The following ARL5A variants were observed in gnomAD, a reference collection of about 807,000 sequenced individuals.
The protein encoded by ARL5A is ADP-ribosylation factor-like protein 5A.
Under a neutral mutation model 25.9 loss-of-function variants are expected in ARL5A, and 18 were observed. That is an observed-to-expected ratio of 0.69 (90% CI 0.48 to 1.03). The LOEUF (loss-of-function observed/expected upper bound fraction) is 1.03. Ranked by LOEUF, ARL5A falls within the 50% of genes least tolerant of loss-of-function variation. The pLI is 0.00. For missense variants in ARL5A, 170 were observed against 211.9 expected, an observed-to-expected ratio of 0.80 and a Z score of 1.23; for synonymous variants, 61 against 67.5, an observed-to-expected ratio of 0.90 and a Z score of 0.47.
At chr2:151,819,221 G>A (rs754090894) in intron 1 of ARL5A, among the ~76,000 whole-genome samples, 1 of 152,110 alleles carries the variant, frequency 6.6e-6, no homozygotes, top group Non-Finnish European at 1.5e-5. Flanking sequence ...TTTCTTACAA[G>A]GGCCGTAATC....
chr2:151,824,824 A>G (rs918928675), intron 1 of ARL5A, among the ~76,000 whole-genome samples: 5 of 152,224 alleles, frequency 3.3e-5, no homozygotes, highest in African/African-American at 1.2e-4. Flanking sequence ...CGTAGGAGAA[A>G]TAACTCCGGC....
rs545707805 is a variant in ARL5A, at chr2:151,825,330, C to CT, written c.46+2800dup. Among the ~76,000 whole-genome samples the CT allele has an allele frequency of 2.0e-3, 309 of 152,252 alleles. 4 individuals are homozygous for CT. Among genetic ancestry groups the CT allele is most frequent in the Non-Finnish European group, 5.4e-4 (37 of 68,024 alleles). On this transcript the variant is annotated intron_variant, in intron 1 of 5. Coordinates refer to ENST00000295087, the MANE Select transcript of ARL5A (RefSeq NM_012097.4). ...GAGGGAAAAATGATGTCAATCTCTT[C>CT]TTTAAGAGATTCCTTCAGGGTTTTA...
rs2099830179 is a variant in ARL5A, at chr2:151,806,970, G to A, written c.342C>T (p.Asp114=). The A allele has an allele frequency of 1.2e-6, 2 of 1,607,292 alleles. No homozygotes were observed. Among genetic ancestry groups the A allele is most frequent in the South Asian group, 2.2e-5 (2 of 89,578 alleles). ...EELYKMLAHE[D]LRKAGLLIFA... ...AAATCAGCAATCCAGCTTTTCTTAG[G>A]TCCTATTAAAGCAAATAAAACTGTA... The change falls in exon 5 of 6, where the codon GAC becomes GAT. Residue 114 remains aspartate (D), a splice_region_variant and synonymous_variant. Transcript: ENST00000295087.
chr2:151,828,140 T>C lies in ARL5A; in HGVS notation c.37A>G (p.Asn13Asp), dbSNP rs1458042804. 1.2e-6 allele frequency: 2 copies of C among 1,610,164 alleles called. No individual in the cohort carries two copies. The highest frequency in any genetic ancestry group is 1.7e-6 in the Non-Finnish European group (2 of 1,178,260). The change falls in exon 1 of 6, where the codon AAT (asparagine) becomes GAT (aspartate). Residue 13 changes from asparagine (N) to aspartate (D), a missense_variant. Asn to Asp is a conservative substitution (Grantham distance 23). Transcript: ENST00000295087. ...ILFTRIWRLF[N>D]HQEHKVIIVG... ...GGACCGAGCTCCTCACCCTGGTGAT[T>C]GAACAGTCTCCATATTCTAGTGAAG... is the stretch of plus-strand genomic sequence containing the variant.
At chr2:151,822,755 C>T (rs905605512) in intron 1 of ARL5A, among the ~76,000 whole-genome samples, 6 of 152,178 alleles carry the variant, frequency 3.9e-5, no homozygotes, top group African/African-American at 1.2e-4. Context: ...CCTGTATTTA[C>T]TCAAATAAGC....
At chr2:151,819,297 C>T (rs966367997) in intron 1 of ARL5A, among the ~76,000 whole-genome samples, 1 of 152,148 alleles carries the variant, frequency 6.6e-6, no homozygotes, top group African/African-American at 2.4e-5. Context: ...TGCTACGGTT[C>T]TTTTATAATT....
chr2:151,821,779 TTTTTTTTTTC>T (rs1372368659), intron 1 of ARL5A, among the ~76,000 whole-genome samples: 2 of 119,592 alleles, frequency 1.7e-5, no homozygotes, highest in African/African-American at 6.7e-5. Flanking sequence ...GGCTTTCTTT[TTTTTTTTTTC>T]TTTTTTTTTT....
At chr2:151,814,002 A>T (rs918867160) in intron 3 of ARL5A, among the ~76,000 whole-genome samples, 167 bp downstream of exon 3, 3 of 152,206 alleles carry the variant, frequency 2.0e-5, no homozygotes, top group Non-Finnish European at 2.9e-5. Flanking sequence ...ATGATAGTGG[A>T]CATATTGAAC....
intron 2 of ARL5A, 61 bp downstream of exon 2, chr2:151,815,077 CT>C: frequency 7.8e-7 from 1 of 1,280,792 alleles, no homozygotes; most frequent in Admixed American, 2.0e-5. Flanking sequence ...CATTGATCGA[CT>C]ATCACCCAGG....
At chr2:151,815,817 TC>T (rs2099831435) in intron 1 of ARL5A, among the ~76,000 whole-genome samples, 1 of 152,208 alleles carries the variant, frequency 6.6e-6, no homozygotes, top group African/African-American at 2.4e-5. Context: ...TTATTTTTTT[TC>T]AATGACTCCT....
chr2:151,812,311 T>A, intron 4 of ARL5A, 46 bp downstream of exon 4: 1 of 1,329,918 alleles, frequency 7.5e-7, no homozygotes, highest in Non-Finnish European at 1.0e-6. Context: ...AAGTATCGAT[T>A]CCCATACCCT....
chr2:151,819,684 G>C (rs918702232), intron 1 of ARL5A, among the ~76,000 whole-genome samples: 1 of 151,392 alleles, frequency 6.6e-6, no homozygotes, highest in South Asian at 2.1e-4. Context: ...TGGTTACTAT[G>C]TCCTAATTCC....
chr2:151,815,102 T>C (rs1372173269), intron 2 of ARL5A, 37 bp downstream of exon 2: 2 of 1,494,824 alleles, frequency 1.3e-6, no homozygotes, highest in South Asian at 1.2e-5. Context: ...AAAAAGTAAC[T>C]AGAAATAAAA....
intron 1 of ARL5A, among the ~76,000 whole-genome samples, chr2:151,826,729 T>C (rs1260124187): frequency 6.6e-6 from 1 of 152,250 alleles, no homozygotes; most frequent in African/African-American, 2.4e-5. Context: ...CACAGATCCC[T>C]GGTGTTCTAG....
chr2:151,824,751 G>GTGCA (rs1356862970), intron 1 of ARL5A, among the ~76,000 whole-genome samples: 3 of 152,124 alleles, frequency 2.0e-5, no homozygotes, highest in Admixed American at 6.5e-5. Flanking sequence ...ATGTGCGTGC[G>GTGCA]TGCATGTGTG....
chr2:151,812,740 C>T (rs961802488), intron 3 of ARL5A, among the ~76,000 whole-genome samples: 1 of 151,894 alleles, frequency 6.6e-6, no homozygotes, highest in East Asian at 1.9e-4. Context: ...TCTATTTGCA[C>T]TACAAATCAA....
rs568783933 is a variant in ARL5A at position 151,803,577 on chromosome 2, A to G, written c.492-253T>C. 1.4e-3 allele frequency among the ~76,000 whole-genome samples: 213 copies of G among 152,278 alleles called. 1 individual carries two copies. Among genetic ancestry groups the G allele is most frequent in the African/African-American group, 4.8e-3 (200 of 41,544 alleles). ...CACCCAGGCTGGAGTGCAATGGCAC[A>G]ATCAATGGCAGCCGTGACCTCCTGG... On this transcript the variant is annotated intron_variant, in intron 5 of 5. Transcript: ENST00000295087.
chr2:151,822,220 A>G (rs927981341), intron 1 of ARL5A, among the ~76,000 whole-genome samples: 7 of 152,178 alleles, frequency 4.6e-5, no homozygotes, highest in African/African-American at 1.7e-4. Context: ...CATGTTGGCC[A>G]AGCTGGTCTT....
intron 5 of ARL5A, among the ~76,000 whole-genome samples, chr2:151,806,466 C>G (rs1388311679): frequency 1.3e-5 from 2 of 152,174 alleles, no homozygotes; most frequent in Non-Finnish European, 2.9e-5. Context: ...GGAAAACACT[C>G]CAGACATAGG....
Sources: gnomAD v4.1 joint callset for allele counts (sites outside exome capture counted in the v4.1 genomes callset) on GRCh38, gnomAD v4.1.1 for gene constraint, MANE v1.5 for transcripts, NCBI Gene and HGNC (gene_info 2026-07-23, HGNC 2026-07-21) for gene names.